Variants in PXDNL observed in about 807,000 individuals in gnomAD.
The protein encoded by PXDNL is peroxidasin like, also known as probable oxidoreductase PXDNL.
PXDNL carries 145 observed loss-of-function variants against 150.8 expected under a neutral mutation model. The observed-to-expected ratio is 0.96, with a 90% CI of 0.84 to 1.10. The LOEUF is 1.10. Ranked by LOEUF, PXDNL falls within the 50% of genes least tolerant of loss-of-function variation. The pLI is 0.00. For missense variants in PXDNL, 2,087 were observed against 1,873.9 expected (o/e 1.11, Z -2.10); for synonymous variants, 757 against 725.7 (o/e 1.04, Z -0.69).
intron 21 of PXDNL, among the ~76,000 whole-genome samples, chr8:51,331,796 T>A (rs1290720548): frequency 6.6e-6 from 1 of 152,070 alleles, no homozygotes; most frequent in Non-Finnish European, 1.5e-5. Flanking sequence ...TCCAGTGACC[T>A]GGGAATCTCA....
intron 5 of PXDNL, among the ~76,000 whole-genome samples, chr8:51,486,794 A>ATATT (rs1810773699): frequency 1.2e-4 from 3 of 24,714 alleles, no homozygotes; most frequent in African/African-American, 5.3e-4. Flanking sequence ...ATATATATAT[A>ATATT]TTTTTTTTTT....
intron 1 of PXDNL, among the ~76,000 whole-genome samples, chr8:51,778,875 T>C (rs1431886819): frequency 2.6e-5 from 4 of 152,238 alleles, no homozygotes; most frequent in Non-Finnish European, 5.9e-5. Context: ...TCCAACAGTA[T>C]GCTCTTTTAC....
chr8:51,334,677 G>A (rs1480556174), intron 21 of PXDNL, among the ~76,000 whole-genome samples: 1 of 152,110 alleles, frequency 6.6e-6, no homozygotes, highest in African/African-American at 2.4e-5. Context: ...ATCATTCAAG[G>A]CTGCTATGAA....
chr8:51,672,603 G>A (rs1815524397), intron 1 of PXDNL, among the ~76,000 whole-genome samples: 1 of 152,162 alleles, frequency 6.6e-6, no homozygotes, highest in Non-Finnish European at 1.5e-5. Flanking sequence ...CTAAGTGGTT[G>A]TTGGAATCAT....
intron 12 of PXDNL, among the ~76,000 whole-genome samples, chr8:51,438,819 G>A (rs1809471901): frequency 1.3e-5 from 2 of 152,188 alleles, no homozygotes; most frequent in African/African-American, 4.8e-5. Flanking sequence ...AACGTAAAGT[G>A]GGGAAAGGAT....
At chr8:51,573,583 A>G (rs148470003) in intron 3 of PXDNL, among the ~76,000 whole-genome samples, 305 of 152,160 alleles carry the variant, frequency 2.0e-3, no homozygotes, top group African/African-American at 6.8e-3. Flanking sequence ...AACTCCAACT[A>G]GAAGTAACAA....
At chr8:51,575,405 T>C (rs887549177) in intron 3 of PXDNL, among the ~76,000 whole-genome samples, 2 of 151,762 alleles carry the variant, frequency 1.3e-5, no homozygotes, top group African/African-American at 4.9e-5. Flanking sequence ...TATCAATAAT[T>C]ACATTAAATA....
At chr8:51,466,633 A>C (rs572493558) in intron 8 of PXDNL, among the ~76,000 whole-genome samples, 1 of 152,220 alleles carries the variant, frequency 6.6e-6, no homozygotes, top group African/African-American at 2.4e-5. Flanking sequence ...GAAAGTATCC[A>C]CAAACTACAC....
At chr8:51,550,289 C>A (rs1812451806) in intron 4 of PXDNL, among the ~76,000 whole-genome samples, 1 of 152,074 alleles carries the variant, frequency 6.6e-6, no homozygotes, top group African/African-American at 2.4e-5. Context: ...CCTACTGAAA[C>A]TATTCCAAAA....
In PXDNL at chr8:51,637,421, C is replaced by T. The variant is rs149990461; in HGVS notation, c.236+17268G>A. Reference sequence around the variant, plus strand: ...CTTACCTGAGATAAAGGACTAAGTTCGAACCCATCGCAAAGAAGCCAAAAA... The same window carrying T: ...CTTACCTGAGATAAAGGACTAAGTTTGAACCCATCGCAAAGAAGCCAAAAA... On this transcript the variant is annotated intron_variant, in intron 2 of 22. Coordinates refer to ENST00000356297, the MANE Select transcript of PXDNL (RefSeq NM_144651.5). Among the ~76,000 whole-genome samples the T allele has an allele frequency of 1.1e-3, 169 of 152,174 alleles. 1 individual carries two copies. The highest frequency in any genetic ancestry group is 3.5e-3 in the African/African-American group (147 of 41,530).
chr8:51,697,507 A>G (rs1409326296), intron 1 of PXDNL, among the ~76,000 whole-genome samples: 1 of 152,220 alleles, frequency 6.6e-6, no homozygotes, highest in Non-Finnish European at 1.5e-5. Context: ...CAGTGAGCCA[A>G]GGCCACAGTT....
At chr8:51,544,735 G>A (rs1280237498) in intron 4 of PXDNL, among the ~76,000 whole-genome samples, 2 of 152,120 alleles carry the variant, frequency 1.3e-5, no homozygotes, top group African/African-American at 2.4e-5. Flanking sequence ...AAATCAAAAA[G>A]TGTATTTTTA....
rs370651471 is a variant in PXDNL, at chr8:51,423,738, A to C, written c.1639-7T>G. 6 of 1,602,728 alleles carry C rather than the reference A, an allele frequency of 3.7e-6. No individual in the cohort carries two copies. In the African/African-American group the frequency reaches 4.0e-5, roughly 11 times the overall value. The stretch of plus-strand genomic sequence containing the variant: ...CAGTAATCTGCACACCTTCCTAGGG[A>C]GCAAAAAAGAGTTGCCACTGAATGA... On this transcript the variant is annotated splice_region_variant and splice_polypyrimidine_tract_variant and intron_variant, in intron 13 of 22. Coordinates refer to ENST00000356297, the MANE Select transcript of PXDNL (RefSeq NM_144651.5).
chr8:51,361,688 G>A (rs1355620041), intron 19 of PXDNL, among the ~76,000 whole-genome samples: 10 of 152,070 alleles, frequency 6.6e-5, no homozygotes, highest in Admixed American at 5.9e-4. Flanking sequence ...CTGGCTAGGT[G>A]CAGTGGCTCA....
intron 1 of PXDNL, among the ~76,000 whole-genome samples, chr8:51,758,605 G>A (rs1274645009): frequency 6.6e-6 from 1 of 152,160 alleles, no homozygotes. Flanking sequence ...CTGTTCTTGT[G>A]ATAGTGAGTT....
chr8:51,695,621 C>G (rs1374568375), intron 1 of PXDNL, among the ~76,000 whole-genome samples: 1 of 152,150 alleles, frequency 6.6e-6, no homozygotes, highest in Non-Finnish European at 1.5e-5. Context: ...CCCCAGCATG[C>G]TCATTAACTG....
intron 16 of PXDNL, among the ~76,000 whole-genome samples, 188 bp from the exon 17 acceptor site, chr8:51,409,749 T>C (rs549743997): frequency 7.1e-6 from 1 of 141,064 alleles, no homozygotes; most frequent in East Asian, 2.2e-4. Context: ...CACTAAAAGA[T>C]GTTTCCAGAA....
intron 1 of PXDNL, among the ~76,000 whole-genome samples, chr8:51,746,316 C>T (rs1374265495): frequency 1.3e-5 from 2 of 152,230 alleles, no homozygotes; most frequent in African/African-American, 2.4e-5. Context: ...TGCCCTAGAA[C>T]AGTCCCACCC....
intron 13 of PXDNL, among the ~76,000 whole-genome samples, chr8:51,424,919 A>G (rs1809051410): frequency 6.6e-6 from 1 of 152,210 alleles, no homozygotes; most frequent in Non-Finnish European, 1.5e-5. Flanking sequence ...CTGGTAACTC[A>G]GAGTAGGGAG....
Sources: allele counts gnomAD v4.1 joint callset (sites outside exome capture counted in the v4.1 genomes callset), GRCh38; gene constraint gnomAD v4.1.1; transcripts MANE v1.5; gene names NCBI Gene and HGNC (gene_info 2026-07-23, HGNC 2026-07-21).